ADGRE2: variants seen among roughly 807,000 people sequenced by gnomAD.
ADGRE2 encodes adhesion G protein-coupled receptor E2, also known as CD97 antigen.
Under a neutral mutation model 100.8 loss-of-function variants are expected in ADGRE2, and 83 were observed. That is an observed-to-expected ratio of 0.82 (90% CI 0.69 to 0.99). The LOEUF (loss-of-function observed/expected upper bound fraction) is 0.99. Ranked by LOEUF, ADGRE2 falls within the 50% of genes least tolerant of loss-of-function variation. The pLI is 0.00. For missense variants in ADGRE2, 814 were observed against 1,035.7 expected, an observed-to-expected ratio of 0.79 and a Z score of 2.94; for synonymous variants, 355 against 413.0, an observed-to-expected ratio of 0.86 and a Z score of 1.70.
chr19:14,769,777 C>A (rs2044128404), intron 5 of ADGRE2, among the ~76,000 whole-genome samples: 1 of 152,144 alleles, frequency 6.6e-6, no homozygotes, highest in Admixed American at 6.5e-5. Flanking sequence ...CGGCTTACTG[C>A]AAGCTCCGCC....
chr19:14,728,182 C>T (rs1358109314), downstream of ADGRE2, among the ~76,000 whole-genome samples: 1 of 152,178 alleles, frequency 6.6e-6, no homozygotes, highest in African/African-American at 2.4e-5. Context: ...CACTGCACTC[C>T]AGCCTGGGCG....
intron 13 of ADGRE2, 149 bp downstream of exon 13, chr19:14,755,505 T>C (rs1391976111): frequency 1.4e-6 from 1 of 724,276 alleles, no homozygotes; most frequent in Non-Finnish European, 2.4e-6. Flanking sequence ...TCAGAAATGC[T>C]TACCCAAAGC....
At chr19:14,757,404 AATC>A (rs2147295379) in intron 11 of ADGRE2, among the ~76,000 whole-genome samples, 1 of 135,102 alleles carries the variant, frequency 7.4e-6, no homozygotes, top group East Asian at 2.3e-4. Context: ...TGTTGTAAGG[AATC>A]CAAATACCCA....
At chr19:14,776,566 C>G (rs1242959773) in intron 2 of ADGRE2, 160 bp downstream of exon 2, 13 of 824,900 alleles carry the variant, frequency 1.6e-5, no homozygotes, top group Non-Finnish European at 2.3e-5. Context: ...GCACCACCAG[C>G]CCCTCTCGCC....
chr19:14,736,164 C>T lies in ADGRE2; in HGVS notation c.*72G>A, dbSNP rs2042740919. The T allele has an allele frequency of 2.8e-6, 4 of 1,409,844 alleles. No homozygotes were observed. The highest frequency in any genetic ancestry group is 2.3e-5 in the East Asian group (1 of 42,858). 87.3% of individuals were successfully genotyped at this position (1,409,844 alleles called of 1,614,324 possible). A position where few individuals can be genotyped will look rare whatever the true frequency, so the allele number is the denominator to read the frequency against. Reference sequence around the variant, plus strand: ...CACACAGAACAAAGTCTTTTCTTTCCCCTCTAGATGGCTCAAAGATTGTTC... The same window carrying T: ...CACACAGAACAAAGTCTTTTCTTTCTCCTCTAGATGGCTCAAAGATTGTTC... On this transcript the variant is annotated 3_prime_UTR_variant, in exon 21 of 21. Coordinates refer to ENST00000315576, the MANE Select transcript of ADGRE2 (RefSeq NM_013447.4).
rs1043650635 is a variant in ADGRE2 at position 14,736,732 on chromosome 19, A to C, written c.2464-488T>G. 5.5e-5 allele frequency among the ~76,000 whole-genome samples: 8 copies of C among 144,790 alleles called. No homozygotes were observed. The South Asian group carries it at 1.5e-3, about 27-fold the overall frequency. 95.0% of individuals were successfully genotyped at this position (144,790 alleles called of 152,430 possible). A position where few individuals can be genotyped will look rare whatever the true frequency, so the allele number is the denominator to read the frequency against. ...GATATTTAGAAATATATAGATATTT[A>C]GAAATATAGATATTTAGAAATATAT... On this transcript the variant is annotated intron_variant, in intron 20 of 20. Coordinates refer to ENST00000315576, the MANE Select transcript of ADGRE2 (RefSeq NM_013447.4).
At position 14,765,320 on chromosome 19, in the gene ADGRE2, CT is replaced by C. The variant is rs2043915002; in HGVS notation, c.905del (p.Gln302ArgfsTer36). 6.2e-7 allele frequency: 1 copy of C among 1,613,988 alleles called. No homozygotes were observed. The highest frequency in any genetic ancestry group is 1.1e-5 in the South Asian group (1 of 91,080). On this transcript the variant is annotated frameshift_variant and splice_region_variant, in exon 10 of 21. Coordinates refer to ENST00000315576, the MANE Select transcript of ADGRE2 (RefSeq NM_013447.4). LOFTEE classifies it high-confidence loss of function. The stretch of plus-strand genomic sequence containing the variant: ...CCCTTGCCCTGGGTCCTGTCCTTAC[CT>C]GGATGGTGTTATTGGCCAAGCCTGG... ...YKPGLANNTIQSILQALDELL... is the reference protein window; with the variant it reads ...YKPGLANNTIXSILQALDELL...
chr19:14,748,554 G>T (rs1050516792), intron 16 of ADGRE2, among the ~76,000 whole-genome samples: 2 of 152,090 alleles, frequency 1.3e-5, no homozygotes, highest in African/African-American at 2.4e-5. Flanking sequence ...TGATCTGCTC[G>T]CCTCGGCCTC....
chr19:14,763,275 G>A (rs777138561), intron 11 of ADGRE2, among the ~76,000 whole-genome samples: 7 of 151,962 alleles, frequency 4.6e-5, no homozygotes, highest in Admixed American at 2.6e-4. Context: ...CCCAGGAGGC[G>A]GAGCTTGCAG....
chr19:14,730,266 G>A (rs1245726590), downstream of ADGRE2, among the ~76,000 whole-genome samples: 1 of 152,058 alleles, frequency 6.6e-6, no homozygotes, highest in Non-Finnish European at 1.5e-5. Flanking sequence ...TGTTGGTCAG[G>A]CTGGTCTTGA....
chr19:14,766,864 G>C, intron 6 of ADGRE2, 114 bp downstream of exon 6: 3 of 1,247,640 alleles, frequency 2.4e-6, no homozygotes, highest in South Asian at 2.8e-5. Flanking sequence ...GCAGGTCCTT[G>C]ACCTTGTGGG....
intron 11 of ADGRE2, among the ~76,000 whole-genome samples, chr19:14,759,504 T>TATATATATATATATATATA (rs1555786067): frequency 2.1e-4 from 15 of 70,936 alleles, no homozygotes; most frequent in African/African-American, 6.7e-4. Flanking sequence ...TATATATATA[T>TATATATATATATATATATA]TTTTTTTTTT....
At chr19:14,777,059 T>G in intron 1 of ADGRE2, 132 bp from the exon 2 acceptor site, 1 of 1,226,202 alleles carries the variant, frequency 8.2e-7, no homozygotes, top group Non-Finnish European at 1.0e-6. Flanking sequence ...GCTTTAAAAA[T>G]CCCTCTGCTG....
chr19:14,750,471 G>A (rs1406622099), intron 16 of ADGRE2, among the ~76,000 whole-genome samples: 1 of 152,016 alleles, frequency 6.6e-6, no homozygotes, highest in Non-Finnish European at 1.5e-5. Context: ...CATTAATGAG[G>A]ACAGAGTCAA....
rs2043485558 is a variant in ADGRE2 at position 14,755,867 on chromosome 19, C to G, written c.1203G>C (p.Val401=). ...AQKSGDPGPS[V]VGLVSIPGMG... is the part of the protein sequence containing the mutation. ...TCCCTGGAATGGAGACAAGGCCCAC[C>G]ACAGAAGGGCCTGCAGGGCGAGGCC... is the stretch of plus-strand genomic sequence containing the variant. Residue 401 remains valine, a synonymous_variant, in exon 13 of 21, where the codon GTG becomes GTC. Coordinates refer to ENST00000315576, the MANE Select transcript of ADGRE2 (RefSeq NM_013447.4). 3.1e-6 allele frequency: 5 copies of G among 1,613,788 alleles called. No individual in the cohort carries two copies. Among genetic ancestry groups the G allele is most frequent in the Non-Finnish European group, 4.2e-6 (5 of 1,180,004 alleles).
At position 14,774,218 on chromosome 19, in the gene ADGRE2, G is replaced by T. The variant is rs201737275; in HGVS notation, c.82+38C>A. ...GGGTCCAGGACCCTCCCCAGGCTCT[G>T]GCTGTGGACTGTGCTTTCTGCTTCC... On this transcript the variant is annotated intron_variant, in intron 3 of 20. Coordinates refer to ENST00000315576, the MANE Select transcript of ADGRE2 (RefSeq NM_013447.4). The T allele has an allele frequency of 9.2e-4, 1,402 of 1,517,038 alleles. 7 individuals are homozygous for T. In the African/African-American group the frequency reaches 0.015, roughly 16 times the overall value. 94.0% of individuals were successfully genotyped at this position (1,517,038 alleles called of 1,614,324 possible). A position where few individuals can be genotyped will look rare whatever the true frequency, so the allele number is the denominator to read the frequency against.
chr19:14,758,215 C>A (rs549277664), intron 11 of ADGRE2, among the ~76,000 whole-genome samples: 1 of 152,178 alleles, frequency 6.6e-6, no homozygotes, highest in African/African-American at 2.4e-5. Context: ...AGTGAAAAGA[C>A]AAGAAAATGA....
chr19:14,751,383 C>T, intron 16 of ADGRE2, 53 bp downstream of exon 16: 2 of 1,363,286 alleles, frequency 1.5e-6, no homozygotes, highest in Non-Finnish European at 1.0e-6. Flanking sequence ...TAGGTTCTAG[C>T]AATGGCCATG....
intron 20 of ADGRE2, among the ~76,000 whole-genome samples, chr19:14,736,809 G>GAAATATATAGATATTTAATATCTAT (rs1555779775): frequency 4.0e-5 from 3 of 75,212 alleles, no homozygotes; most frequent in African/African-American, 1.3e-4. Context: ...GAAATATATA[G>GAAATATATAGATATTTAATATCTAT]ATATTTAGAA....
Sources: allele counts gnomAD v4.1 joint callset (sites outside exome capture counted in the v4.1 genomes callset), GRCh38; gene constraint gnomAD v4.1.1; transcripts MANE v1.5; gene names NCBI Gene and HGNC (gene_info 2026-07-23, HGNC 2026-07-21).